SUGT1: variants seen among roughly 807,000 people sequenced by gnomAD.
SUGT1 encodes the protein SGT1 assembly cochaperone of MIS12 kinetochore complex, also known as protein SGT1 homolog.
Under a neutral mutation model 56.1 loss-of-function variants are expected in SUGT1, and 15 were observed. The observed-to-expected ratio is 0.27, with a 90% CI of 0.18 to 0.41. The LOEUF (loss-of-function observed/expected upper bound fraction) is 0.41. Among genes scored for constraint, SUGT1 ranks in the 10% least tolerant of loss-of-function variants. SUGT1 has a pLI of 1.00. For synonymous variants in SUGT1, 123 were observed against 128.6 expected (o/e 0.96, Z 0.30); for missense variants, 347 against 382.2 (o/e 0.91, Z 0.77).
rs994780734 is a variant in SUGT1, at chr13:52,681,910, A to G, written c.900+1755A>G. The stretch of plus-strand genomic sequence containing the variant: ...CAAGGATCCCTTATGTTGCTATCTT[A>G]TGGCCATACTAACCCCACCCCCACC... On this transcript the variant is annotated intron_variant, in intron 12 of 12. Transcript: ENST00000310528. Among the ~76,000 whole-genome samples the G allele has an allele frequency of 4.3e-5, 3 of 69,890 alleles. No homozygotes were observed. The Admixed American group carries it at 7.4e-4, about 17-fold the overall frequency. The allele number at this position is 69,890 out of a possible 152,430, so 45.9% of individuals were successfully genotyped here.
At chr13:52,665,833 C>G in intron 9 of SUGT1, 100 bp downstream of exon 9, 2 of 733,838 alleles carry the variant, frequency 2.7e-6, no homozygotes, top group Non-Finnish European at 4.2e-6. Context: ...AATGCTATTT[C>G]TTCCTGAGAT....
intron 10 of SUGT1, 49 bp downstream of exon 10, chr13:52,666,968 A>T: frequency 7.7e-7 from 1 of 1,292,066 alleles, no homozygotes; most frequent in South Asian, 1.2e-5. Context: ...AAAATTATAG[A>T]AATACTGGTG....
At chr13:52,658,354 A>G (rs4542538) in intron 3 of SUGT1, 45 bp from the exon 4 acceptor site, 1,521,425 of 1,600,944 alleles carry the variant, frequency 0.95, 723,154 homozygotes, top group East Asian at 0.99. Context: ...TGTATTTGCT[A>G]GGATCTATAA....
At chr13:52,676,099 C>A in intron 10 of SUGT1, 131 bp from the exon 11 acceptor site, 2 of 611,154 alleles carry the variant, frequency 3.3e-6, no homozygotes, top group South Asian at 3.6e-5. Context: ...TCAAATTTAA[C>A]CTTGTATAAT....
chr13:52,665,618 T>TA lies in SUGT1; in HGVS notation c.423-19_423-18insA. The TA allele has an allele frequency of 6.7e-7, 1 of 1,489,924 alleles. No homozygotes were observed. Among genetic ancestry groups the TA allele is most frequent in the Non-Finnish European group, 9.0e-7 (1 of 1,106,884 alleles). The allele number at this position is 1,489,924 out of a possible 1,614,324, so 92.3% of individuals were successfully genotyped here. A position where few individuals can be genotyped will look rare whatever the true frequency, so the allele number is the denominator to read the frequency against. Reference sequence around the variant, plus strand: ...AAAAATTAGAAGAGTTACCTAAGTTTCTTTTTTTTTTTTAATAGGTATGAC... The same window carrying TA: ...AAAAATTAGAAGAGTTACCTAAGTTTACTTTTTTTTTTTTAATAGGTATGAC... On this transcript the variant is annotated intron_variant, in intron 8 of 12. Coordinates refer to ENST00000310528, the MANE Select transcript of SUGT1 (RefSeq NM_006704.5).
At chr13:52,677,837 T>C (rs1963211170) in intron 11 of SUGT1, among the ~76,000 whole-genome samples, 1 of 152,178 alleles carries the variant, frequency 6.6e-6, no homozygotes, top group African/African-American at 2.4e-5. Context: ...AGATTACTCA[T>C]CTCTCAGTAG....
chr13:52,668,363 T>C (rs1018368738), intron 10 of SUGT1, among the ~76,000 whole-genome samples: 3 of 152,192 alleles, frequency 2.0e-5, no homozygotes, highest in African/African-American at 7.2e-5. Flanking sequence ...ATGTGAAGTT[T>C]CCTGTTGTGG....
chr13:52,680,229 G>C (rs1963317670), intron 12 of SUGT1, 74 bp downstream of exon 12: 5 of 1,422,254 alleles, frequency 3.5e-6, no homozygotes, highest in Non-Finnish European at 3.8e-6. Flanking sequence ...TTGGTAATGT[G>C]AGACCAAATT....
chr13:52,657,488 T>G (rs1293106873), intron 2 of SUGT1, 44 bp from the exon 3 acceptor site: 1 of 1,529,620 alleles, frequency 6.5e-7, no homozygotes, highest in East Asian at 2.3e-5. Flanking sequence ...ATTTGATGGC[T>G]TCTTACAAAC....
chr13:52,692,111 T>C lies in SUGT1; in HGVS notation c.*4276T>C, dbSNP rs1224955267. 6.6e-6 allele frequency: 1 copy of C among 152,222 alleles called. No homozygotes were observed. The highest frequency in any genetic ancestry group is 1.5e-5 in the Non-Finnish European group (1 of 68,044). 9.4% of individuals were successfully genotyped at this position (152,222 alleles called of 1,614,324 possible). A position where few individuals can be genotyped will look rare whatever the true frequency, so the allele number is the denominator to read the frequency against. ...GCAAATAGTGGTAGTTACTGTGTAC[T>C]AGCATTTCTTATGGATTGGGTGGCA... is the stretch of plus-strand genomic sequence containing the variant. On this transcript the variant is annotated 3_prime_UTR_variant, in exon 13 of 13. Coordinates refer to ENST00000310528, the MANE Select transcript of SUGT1 (RefSeq NM_006704.5).
chr13:52,681,711 T>G (rs1361052235), intron 12 of SUGT1, among the ~76,000 whole-genome samples: 2 of 152,026 alleles, frequency 1.3e-5, no homozygotes, highest in Non-Finnish European at 2.9e-5. Flanking sequence ...GGCATGATGT[T>G]GTGCCCCTGT....
At chr13:52,679,150 T>C (rs1963265762) in intron 11 of SUGT1, among the ~76,000 whole-genome samples, 7 of 152,218 alleles carry the variant, frequency 4.6e-5, no homozygotes, top group Admixed American at 4.6e-4. Context: ...CATTGGATAG[T>C]CAACAGAGCT....
rs1222417884 is a variant in SUGT1 at position 52,659,734 on chromosome 13, G to T, written c.328+485G>T. Among the ~76,000 whole-genome samples, 3 of 141,312 alleles carry T rather than the reference G, an allele frequency of 2.1e-5. No homozygotes were observed. The East Asian group carries it at 6.2e-4, about 29-fold the overall frequency. 92.7% of individuals were successfully genotyped at this position (141,312 alleles called of 152,430 possible). A position where few individuals can be genotyped will look rare whatever the true frequency, so the allele number is the denominator to read the frequency against. On this transcript the variant is annotated intron_variant, in intron 5 of 12. Coordinates refer to ENST00000310528, the MANE Select transcript of SUGT1 (RefSeq NM_006704.5). ...ATGTTATATTCTTGAGGGAATATAT[G>T]AAAAGTATCACAGTGGTGTGGATAT...
At chr13:52,666,583 CT>C (rs1002748260) in intron 9 of SUGT1, among the ~76,000 whole-genome samples, 2 of 151,970 alleles carry the variant, frequency 1.3e-5, no homozygotes, top group African/African-American at 4.8e-5. Context: ...GAAACTTATT[CT>C]TTTCTGCTGT....
At chr13:52,674,644 CTTCTT>C (rs1191650727) in intron 10 of SUGT1, among the ~76,000 whole-genome samples, 3 of 152,036 alleles carry the variant, frequency 2.0e-5, no homozygotes, top group Non-Finnish European at 2.9e-5. Flanking sequence ...GGTGAATAGA[CTTCTT>C]TTTTTAAGTC....
chr13:52,699,534 A>G lies in SUGT1; in HGVS notation c.*11699A>G, dbSNP rs561320594. 6.6e-6 allele frequency: 1 copy of G among 152,300 alleles called. No individual in the cohort carries two copies. The highest frequency in any genetic ancestry group is 1.9e-4 in the East Asian group (1 of 5,182). 9.4% of individuals were successfully genotyped at this position (152,300 alleles called of 1,614,324 possible). A position where few individuals can be genotyped will look rare whatever the true frequency, so the allele number is the denominator to read the frequency against. On this transcript the variant is annotated 3_prime_UTR_variant, in exon 13 of 13. Coordinates refer to ENST00000310528, the MANE Select transcript of SUGT1 (RefSeq NM_006704.5). ...TAGAATTTGTGTTAGGGCACATCCC[A>G]TGGAGATCTTTTTTACTGCTTAATT...
chr13:52,664,526 T>G (rs1047940057), intron 8 of SUGT1, among the ~76,000 whole-genome samples: 1 of 152,208 alleles, frequency 6.6e-6, no homozygotes, highest in African/African-American at 2.4e-5. Flanking sequence ...TAATTATTCA[T>G]TAGCCTGTGT....
chr13:52,671,391 A>G (rs1165353173), intron 10 of SUGT1, among the ~76,000 whole-genome samples: 1 of 152,158 alleles, frequency 6.6e-6, no homozygotes, highest in Admixed American at 6.5e-5. Flanking sequence ...CATATTCAAC[A>G]GCAAAGTATT....
rs1454798923 is a variant in SUGT1, at chr13:52,695,333, G to T, written c.*7498G>T. Reference sequence around the variant, plus strand: ...AAAATTATACTTCACCACAGAGACAGGTGTTGTTTTGTAATGGAAGGAGTA... The same window carrying T: ...AAAATTATACTTCACCACAGAGACATGTGTTGTTTTGTAATGGAAGGAGTA... On this transcript the variant is annotated 3_prime_UTR_variant, in exon 13 of 13. Coordinates refer to ENST00000310528, the MANE Select transcript of SUGT1 (RefSeq NM_006704.5). The T allele has an allele frequency of 6.6e-6, 1 of 152,072 alleles. No homozygotes were observed. Among genetic ancestry groups the T allele is most frequent in the African/African-American group, 2.4e-5 (1 of 41,410 alleles). 9.4% of individuals were successfully genotyped at this position (152,072 alleles called of 1,614,324 possible).
Sources: gnomAD v4.1 joint callset for allele counts (sites outside exome capture counted in the v4.1 genomes callset) on GRCh38, gnomAD v4.1.1 for gene constraint, MANE v1.5 for transcripts, NCBI Gene and HGNC (gene_info 2026-07-23, HGNC 2026-07-21) for gene names.